The following INTS8 variants were observed in gnomAD, a reference collection of about 807,000 sequenced individuals.
The protein encoded by INTS8 is protein kaonashi-1.
In INTS8, 47 loss-of-function variants were observed where a neutral mutation model predicts 138.9. The ratio of observed to expected loss-of-function variants is 0.34; its 90% CI spans 0.27 to 0.43. The LOEUF (loss-of-function observed/expected upper bound fraction) is 0.43. Ranked by LOEUF, INTS8 falls within the 20% of genes least tolerant of loss-of-function variation. The pLI, the probability that INTS8 is intolerant of heterozygous loss-of-function variation, is 1.00. For missense variants in INTS8, 996 were observed against 1,173.0 expected (o/e 0.85, Z 2.20); for synonymous variants, 392 against 400.9 (o/e 0.98, Z 0.27).
At chr8:94,877,140 A>G (rs1039998749) in intron 26 of INTS8, among the ~76,000 whole-genome samples, 4 of 152,224 alleles carry the variant, frequency 2.6e-5, no homozygotes, top group African/African-American at 9.6e-5. Context: ...TGCCTGGCAC[A>G]TATTAGGTGC....
At chr8:94,868,457 T>C (rs976723000) in intron 20 of INTS8, among the ~76,000 whole-genome samples, 4 of 152,232 alleles carry the variant, frequency 2.6e-5, no homozygotes, top group African/African-American at 9.6e-5. Flanking sequence ...ATCCAGGGAT[T>C]TGGAGGGTCA....
intron 15 of INTS8, among the ~76,000 whole-genome samples, chr8:94,858,264 C>G (rs796972641): frequency 2.6e-5 from 4 of 152,320 alleles, no homozygotes; most frequent in African/African-American, 9.6e-5. Context: ...GAAGCAAGTG[C>G]TACCGTCTTG....
intron 13 of INTS8, among the ~76,000 whole-genome samples, chr8:94,852,162 C>T (rs760240054): frequency 2.0e-5 from 3 of 151,218 alleles, no homozygotes; most frequent in East Asian, 2.0e-4. Context: ...AGGATGATCT[C>T]GAACTCCTGA....
At chr8:94,833,272 C>G (rs763374446) in intron 6 of INTS8, among the ~76,000 whole-genome samples, 4 of 151,914 alleles carry the variant, frequency 2.6e-5, no homozygotes, top group African/African-American at 9.7e-5. Flanking sequence ...TTAGCTGTTT[C>G]CAGAGCTGAA....
intron 20 of INTS8, among the ~76,000 whole-genome samples, chr8:94,870,198 C>CCTG (rs1221078817): frequency 1.3e-5 from 2 of 151,894 alleles, no homozygotes; most frequent in Non-Finnish European, 2.9e-5. Context: ...GCTACAGGCG[C>CCTG]CCACCACCAT....
At chr8:94,862,426 G>C (rs570715557) in intron 16 of INTS8, among the ~76,000 whole-genome samples, 238 of 152,342 alleles carry the variant, frequency 1.6e-3, no homozygotes, top group African/African-American at 5.4e-3. Flanking sequence ...TGCAAAGACA[G>C]CATAGTAACT....
Position 94,831,984 on chromosome 8 carries a change from T to A in INTS8, c.571-8T>A. On this transcript the variant is annotated splice_polypyrimidine_tract_variant and splice_region_variant and intron_variant, in intron 5 of 26. Transcript: ENST00000523731. ...TTTGTATTTTTATTTGTTTATTGAT[T>A]TCTGTAGCTCAAAGAACAAGCTGCT... 1 of 1,573,804 alleles carries A rather than the reference T, an allele frequency of 6.4e-7. No homozygotes were observed. Among genetic ancestry groups the A allele is most frequent in the Non-Finnish European group, 8.6e-7 (1 of 1,165,060 alleles).
chr8:94,861,298 G>T (rs1815968833), intron 16 of INTS8, among the ~76,000 whole-genome samples: 1 of 66,620 alleles, frequency 1.5e-5, no homozygotes, highest in Non-Finnish European at 2.6e-5. Flanking sequence ...GTCTCGCTCT[G>T]TCGCCCAGGC....
chr8:94,875,245 C>A (rs1442592072), intron 23 of INTS8, among the ~76,000 whole-genome samples: 2 of 152,128 alleles, frequency 1.3e-5, no homozygotes, highest in African/African-American at 2.4e-5. Context: ...TGATGAATGA[C>A]TGAACATAAT....
Position 94,851,543 on chromosome 8 carries a change from CTTTT to C in INTS8, c.1508-6_1508-3del, listed in dbSNP as rs1159829230. On this transcript the variant is annotated splice_region_variant and splice_polypyrimidine_tract_variant and intron_variant, in intron 12 of 26. Coordinates refer to ENST00000523731, the MANE Select transcript of INTS8 (RefSeq NM_017864.4). ...TGAATTAAATCATTGAAATATAAAT[CTTTT>C]TTTAGCTTCAGCAAGTGTCAACATT... is the stretch of plus-strand genomic sequence containing the variant. The C allele has an allele frequency of 6.5e-7, 1 of 1,537,762 alleles. No homozygotes were observed. Among genetic ancestry groups the C allele is most frequent in the African/African-American group, 1.4e-5 (1 of 70,812 alleles).
At position 94,838,491 on chromosome 8, in the gene INTS8, T is replaced by C. The variant is rs748920409; in HGVS notation, c.890T>C (p.Ile297Thr). The C allele has an allele frequency of 1.2e-6, 2 of 1,613,332 alleles. No homozygotes were observed. The highest frequency in any genetic ancestry group is 8.5e-7 in the Non-Finnish European group (1 of 1,179,250). ...GGTTCATTATCTCTTCATTGTACCA[T>C]AGATGAGAAGCGGTTAGCTGGCTAT... ...EIGSLSLHCT[I>T]DEKRLAGYCQ... The change falls in exon 8 of 27, where the codon ATA becomes ACA. Residue 297 changes from isoleucine (I) to threonine (T), a missense_variant. Ile to Thr is a moderately conservative substitution (Grantham distance 89). Transcript: ENST00000523731.
At chr8:94,846,127 T>C (rs1815324885) in intron 10 of INTS8, among the ~76,000 whole-genome samples, 1 of 152,244 alleles carries the variant, frequency 6.6e-6, no homozygotes. Context: ...TACAGAGGTA[T>C]AATTTAACTT....
At chr8:94,834,682 G>A (rs958448564) in intron 6 of INTS8, among the ~76,000 whole-genome samples, 4 of 147,540 alleles carry the variant, frequency 2.7e-5, no homozygotes, top group African/African-American at 1.0e-4. Context: ...CAGCCTGGGC[G>A]ACAGGAGTGA....
In INTS8 at chr8:94,862,768, GAA is replaced by G. The variant is rs143777495; in HGVS notation, c.2077-2736_2077-2735del. 5.0e-3 allele frequency among the ~76,000 whole-genome samples: 754 copies of G among 151,474 alleles called. 5 individuals are homozygous for G. Among genetic ancestry groups the G allele is most frequent in the African/African-American group, 0.018 (721 of 40,812 alleles). ...TAATGTCAAGGAAAAAGGAATTAGA[GAA>G]AGAAGTTTAGAATGAGGGATTGTGT... On this transcript the variant is annotated intron_variant, in intron 16 of 26. Coordinates refer to ENST00000523731, the MANE Select transcript of INTS8 (RefSeq NM_017864.4).
In INTS8 at chr8:94,853,922, A is replaced by T. The variant is rs117356956; in HGVS notation, c.1752+7A>T. ...GCACTGCAGTACTGTTAAGGTGAGTAAAAGTGTGTATCAAACACTTGTTAA... is the reference window on the plus strand; with the variant it reads ...GCACTGCAGTACTGTTAAGGTGAGTTAAAGTGTGTATCAAACACTTGTTAA... On this transcript the variant is annotated splice_region_variant and intron_variant, in intron 14 of 26. Transcript: ENST00000523731. The T allele has an allele frequency of 7.5e-6, 11 of 1,473,522 alleles. No individual in the cohort carries two copies. In the South Asian group the frequency reaches 1.2e-4, roughly 17 times the overall value. The allele number at this position is 1,473,522 out of a possible 1,614,324, so 91.3% of individuals were successfully genotyped here.
At chr8:94,854,572 A>G (rs926101989) in intron 14 of INTS8, among the ~76,000 whole-genome samples, 2 of 152,246 alleles carry the variant, frequency 1.3e-5, no homozygotes, top group Non-Finnish European at 2.9e-5. Context: ...ATGTTGAGAC[A>G]TAAGTGGAAT....
At chr8:94,827,848 A>G in intron 4 of INTS8, 55 bp downstream of exon 4, 15 of 1,399,552 alleles carry the variant, frequency 1.1e-5, no homozygotes, top group Non-Finnish European at 1.5e-5. Flanking sequence ...AGTTTTAAAA[A>G]TGTTTGCAAG....
At chr8:94,862,055 C>T (rs1159178079) in intron 16 of INTS8, among the ~76,000 whole-genome samples, 1 of 152,046 alleles carries the variant, frequency 6.6e-6, no homozygotes, top group Non-Finnish European at 1.5e-5. Flanking sequence ...ATTCTTGTGC[C>T]TCAGCCTCCC....
intron 21 of INTS8, 105 bp from the exon 22 acceptor site, chr8:94,873,269 G>T (rs1816461100): frequency 3.7e-6 from 3 of 810,578 alleles, no homozygotes; most frequent in Admixed American, 3.4e-5. Context: ...TCTGTGGTTT[G>T]AATCTGCTTT....
Sources: allele counts gnomAD v4.1 joint callset (sites outside exome capture counted in the v4.1 genomes callset), GRCh38; gene constraint gnomAD v4.1.1; transcripts MANE v1.5; gene names NCBI Gene and HGNC (gene_info 2026-07-23, HGNC 2026-07-21).